The following TNFAIP8L2 variants were observed in gnomAD, a reference collection of about 807,000 sequenced individuals.
The protein encoded by TNFAIP8L2 is tumor necrosis factor alpha-induced protein 8-like protein 2.
TNFAIP8L2 carries 2 observed loss-of-function variants against 5.6 expected under a neutral mutation model. The observed-to-expected ratio is 0.36, with a 90% confidence interval of 0.15 to 1.13. The LOEUF (loss-of-function observed/expected upper bound fraction) is 1.13. Ranked by LOEUF, TNFAIP8L2 falls within the 50% of genes most tolerant of loss-of-function variation. TNFAIP8L2 has a pLI of 0.40. For missense variants in TNFAIP8L2, 216 were observed against 241.8 expected, an observed-to-expected ratio of 0.89 and a Z score of 0.71; for synonymous variants, 91 against 101.1, an observed-to-expected ratio of 0.90 and a Z score of 0.60.
intron 1 of TNFAIP8L2, among the ~76,000 whole-genome samples, chr1:151,157,360 C>T (rs1315707536): frequency 6.6e-6 from 1 of 152,206 alleles, no homozygotes; most frequent in Non-Finnish European, 1.5e-5. Context: ...CGAGGCTGCT[C>T]CTCACTGCGG....
At position 151,158,671 on chromosome 1, in the gene TNFAIP8L2, G is replaced by T; in HGVS notation, c.-27G>T. On this transcript the variant is annotated 5_prime_UTR_variant, in exon 2 of 2. Transcript: ENST00000368910. ...GCCTGTGGCCTTTCTTCTAGTGACT[G>T]ACCACATACCCCACTCTCCAGGACC... The T allele has an allele frequency of 1.3e-6, 2 of 1,538,280 alleles. No homozygotes were observed. Among genetic ancestry groups the T allele is most frequent in the South Asian group, 2.5e-5 (2 of 81,398 alleles).
At chr1:151,158,424 T>G (rs1242552074) in intron 1 of TNFAIP8L2, among the ~76,000 whole-genome samples, 1 of 151,488 alleles carries the variant, frequency 6.6e-6, no homozygotes, top group Admixed American at 6.6e-5. Flanking sequence ...TAGGCTAGCC[T>G]CCCGTGTGCC....
chr1:151,158,889 C>T lies in TNFAIP8L2; in HGVS notation c.192C>T (p.Ile64=), dbSNP rs868357026. The T allele has an allele frequency of 2.5e-6, 4 of 1,614,198 alleles. No homozygotes were observed. The highest frequency in any genetic ancestry group is 3.4e-6 in the Non-Finnish European group (4 of 1,180,012). Residue 64 remains isoleucine, a synonymous_variant, in exon 2 of 2, where the codon ATC becomes ATT. Transcript: ENST00000368910. ...PQAQRVIKDL[I]KVAIKVAVLH... is the part of the protein sequence containing the mutation. ...CCCAGCGCGTGATCAAGGACCTGAT[C>T]AAAGTGGCCATCAAGGTGGCTGTGC... is the stretch of plus-strand genomic sequence containing the variant.
chr1:151,159,532 A>G lies in TNFAIP8L2; in HGVS notation c.*280A>G, dbSNP rs1356581458. ...TGAAACTTGGATCTCTATTTCTCCC[A>G]TAAGGGACTTCTGAAACAGGGAAGC... On this transcript the variant is annotated 3_prime_UTR_variant, in exon 2 of 2. Transcript: ENST00000368910. 5.5e-6 allele frequency: 2 copies of G among 362,836 alleles called. No homozygotes were observed. Among genetic ancestry groups the G allele is most frequent in the African/African-American group, 2.1e-5 (1 of 48,168 alleles). 22.5% of individuals were successfully genotyped at this position (362,836 alleles called of 1,614,324 possible). A position where few individuals can be genotyped will look rare whatever the true frequency, so the allele number is the denominator to read the frequency against.
intron 1 of TNFAIP8L2, among the ~76,000 whole-genome samples, chr1:151,158,189 G>C (rs1215448314): frequency 6.6e-6 from 1 of 152,064 alleles, no homozygotes; most frequent in African/African-American, 2.4e-5. Flanking sequence ...CGGGCGTGGT[G>C]GTGGGTGCCT....
chr1:151,158,958 T>A lies in TNFAIP8L2; in HGVS notation c.261T>A (p.Ala87=). ...TTGGCCCCAGTGAGCTGGCCCTGGCTACCCGCTTTCGCCAGAAGCTGCGGC... is the reference window on the plus strand; with the variant it reads ...TTGGCCCCAGTGAGCTGGCCCTGGCAACCCGCTTTCGCCAGAAGCTGCGGC... ...GSFGPSELAL[A]TRFRQKLRQG... is the part of the protein sequence containing the mutation. Residue 87 remains alanine, a synonymous_variant, in exon 2 of 2, where the codon GCT becomes GCA. Coordinates refer to ENST00000368910, the MANE Select transcript of TNFAIP8L2 (RefSeq NM_024575.5). 6.2e-7 allele frequency: 1 copy of A among 1,614,278 alleles called. No homozygotes were observed. The highest frequency in any genetic ancestry group is 8.5e-7 in the Non-Finnish European group (1 of 1,180,052).
chr1:151,157,784 T>C (rs1317909634), intron 1 of TNFAIP8L2, among the ~76,000 whole-genome samples: 1 of 152,230 alleles, frequency 6.6e-6, no homozygotes, highest in African/African-American at 2.4e-5. Context: ...CACTTGCATA[T>C]AGTAGGTTCT....
Position 151,159,476 on chromosome 1 carries a change from C to A in TNFAIP8L2, c.*224C>A, listed in dbSNP as rs1284372759. 1 of 533,924 alleles carries A rather than the reference C, an allele frequency of 1.9e-6. No individual in the cohort carries two copies. Among genetic ancestry groups the A allele is most frequent in the African/African-American group, 1.9e-5 (1 of 52,594 alleles). The allele number at this position is 533,924 out of a possible 1,614,324, so 33.1% of individuals were successfully genotyped here. On this transcript the variant is annotated 3_prime_UTR_variant, in exon 2 of 2. Coordinates refer to ENST00000368910, the MANE Select transcript of TNFAIP8L2 (RefSeq NM_024575.5). Reference sequence around the variant, plus strand: ...CCTCTCTCCCACTCCAGCCCCAGGACAGGAAACAGAACTGCCTGAAAAAGG... The same window carrying A: ...CCTCTCTCCCACTCCAGCCCCAGGAAAGGAAACAGAACTGCCTGAAAAAGG...
At chr1:151,157,366 T>C (rs1471989016) in intron 1 of TNFAIP8L2, among the ~76,000 whole-genome samples, 3 of 152,210 alleles carry the variant, frequency 2.0e-5, no homozygotes, top group African/African-American at 7.2e-5. Context: ...TGCTCCTCAC[T>C]GCGGTCACAG....
chr1:151,158,839 G>A lies in TNFAIP8L2; in HGVS notation c.142G>A (p.Glu48Lys). 3 of 1,614,162 alleles carry A rather than the reference G, an allele frequency of 1.9e-6. No homozygotes were observed. The highest frequency in any genetic ancestry group is 2.5e-6 in the Non-Finnish European group (3 of 1,180,036). Residue 48 changes from glutamate (E) to lysine (K), a missense_variant, in exon 2 of 2, where the codon GAG becomes AAG. Coordinates refer to ENST00000368910, the MANE Select transcript of TNFAIP8L2 (RefSeq NM_024575.5). ...AGATGAGCTCTACCGTGTGTCCAAG[G>A]AGTACACGCACAGCCGGCCCCAGGC... ...VLDELYRVSK[E>K]YTHSRPQAQR...
intron 1 of TNFAIP8L2, among the ~76,000 whole-genome samples, chr1:151,158,382 C>T (rs1683302029): frequency 6.6e-6 from 1 of 151,466 alleles, no homozygotes; most frequent in Admixed American, 6.6e-5. Flanking sequence ...GCAGCAGCAA[C>T]AGCCTACTTC....
At chr1:151,157,801 ATGTT>A (rs1397355896) in intron 1 of TNFAIP8L2, among the ~76,000 whole-genome samples, 4 of 152,204 alleles carry the variant, frequency 2.6e-5, no homozygotes, top group African/African-American at 9.6e-5. Context: ...TTCTCAGTAA[ATGTT>A]AGTTATTACT....
At chr1:151,158,617 G>A in intron 1 of TNFAIP8L2, 49 bp from the exon 2 acceptor site, 1 of 1,297,884 alleles carries the variant, frequency 7.7e-7, no homozygotes, top group Non-Finnish European at 1.1e-6. Flanking sequence ...AACAGAAAAG[G>A]GAAAAGCCAT....
Position 151,159,094 on chromosome 1 carries a change from C to T in TNFAIP8L2, c.397C>T (p.His133Tyr), listed in dbSNP as rs772996315. 1.2e-6 allele frequency: 2 copies of T among 1,614,188 alleles called. No individual in the cohort carries two copies. Among genetic ancestry groups the T allele is most frequent in the South Asian group, 2.2e-5 (2 of 91,090 alleles). ...GGATGTGCTGCTAGAGTTGGTGGAA[C>T]ACCACCTCACGCCCAAGTCACATGG... ...CRDVLLELVE[H>Y]HLTPKSHGRI... The change falls in exon 2 of 2, where the codon CAC (histidine) becomes TAC (tyrosine). Residue 133 changes from histidine (H) to tyrosine (Y), a missense_variant. Coordinates refer to ENST00000368910, the MANE Select transcript of TNFAIP8L2 (RefSeq NM_024575.5).
rs375584079 is a variant in TNFAIP8L2 at position 151,159,078 on chromosome 1, G to C, written c.381G>C (p.Leu127=). Reference sequence around the variant, plus strand: ...TGCTGACCGAGTGCCGGGATGTGCTGCTAGAGTTGGTGGAACACCACCTCA... The same window carrying C: ...TGCTGACCGAGTGCCGGGATGTGCTCCTAGAGTTGGTGGAACACCACCTCA... ...AGLLTECRDV[L]LELVEHHLTP... Residue 127 remains leucine (L), a synonymous_variant, in exon 2 of 2, where the codon CTG becomes CTC. Coordinates refer to ENST00000368910, the MANE Select transcript of TNFAIP8L2 (RefSeq NM_024575.5). 1.2e-4 allele frequency: 198 copies of C among 1,614,022 alleles called. No individual in the cohort carries two copies. Among genetic ancestry groups the C allele is most frequent in the Non-Finnish European group, 1.7e-4 (195 of 1,180,054 alleles).
chr1:151,158,050 C>A (rs181474390), intron 1 of TNFAIP8L2, among the ~76,000 whole-genome samples: 33 of 152,230 alleles, frequency 2.2e-4, no homozygotes, highest in Admixed American at 7.2e-4. Flanking sequence ...TCAGGCTGGG[C>A]GTGGTGGCTC....
intron 1 of TNFAIP8L2, 118 bp from the exon 2 acceptor site, chr1:151,158,548 C>A: frequency 1.3e-6 from 1 of 764,962 alleles, no homozygotes; most frequent in Non-Finnish European, 2.1e-6. Flanking sequence ...GACTGAGGGG[C>A]CCCAGGGGGC....
chr1:151,159,337 G>A lies in TNFAIP8L2; in HGVS notation c.*85G>A. 1 of 1,342,492 alleles carries A rather than the reference G, an allele frequency of 7.4e-7. No homozygotes were observed. 83.2% of individuals were successfully genotyped at this position (1,342,492 alleles called of 1,614,324 possible). A position where few individuals can be genotyped will look rare whatever the true frequency, so the allele number is the denominator to read the frequency against. ...ATGGGCTTCCTAACCCTGCTCACCT[G>A]GCACTAACACTTTTCAATCTTCAGG... is the stretch of plus-strand genomic sequence containing the variant. On this transcript the variant is annotated 3_prime_UTR_variant, in exon 2 of 2. Coordinates refer to ENST00000368910, the MANE Select transcript of TNFAIP8L2 (RefSeq NM_024575.5).
chr1:151,159,107 C>A lies in TNFAIP8L2; in HGVS notation c.410C>A (p.Pro137His). ...LLELVEHHLTPKSHGRIRHVF... is the reference protein window; with the variant it reads ...LLELVEHHLTHKSHGRIRHVF... ...GAGTTGGTGGAACACCACCTCACGC[C>A]CAAGTCACATGGCCGCATCCGCCAC... is the stretch of plus-strand genomic sequence containing the variant. The change falls in exon 2 of 2, where the codon CCC becomes CAC. Residue 137 changes from proline (P) to histidine (H), a missense_variant. Physicochemically the swap from Pro to His is moderately conservative, Grantham distance 77. Transcript: ENST00000368910. 1 of 1,614,150 alleles carries A rather than the reference C, an allele frequency of 6.2e-7. No homozygotes were observed. Among genetic ancestry groups the A allele is most frequent in the Non-Finnish European group, 8.5e-7 (1 of 1,180,042 alleles).
Sources: allele counts gnomAD v4.1 joint callset (sites outside exome capture counted in the v4.1 genomes callset), GRCh38; gene constraint gnomAD v4.1.1; transcripts MANE v1.5; gene names NCBI Gene and HGNC (gene_info 2026-07-23, HGNC 2026-07-21).